ORC4: variants seen among roughly 807,000 people sequenced by gnomAD.
ORC4 encodes the protein origin recognition complex, subunit 4 homolog.
A neutral mutation model predicts 63.9 loss-of-function variants in ORC4; 55 were observed. That is an observed-to-expected ratio of 0.86 (90% CI 0.69 to 1.08). The LOEUF is 1.08. Ranked by LOEUF, ORC4 falls within the 50% of genes least tolerant of loss-of-function variation. The pLI is 0.00. For missense variants in ORC4, 511 were observed against 504.4 expected (o/e 1.01, Z -0.13); for synonymous variants, 150 against 168.5 (o/e 0.89, Z 0.85).
At chr2:148,008,546 C>G (rs928123160) in intron 1 of ORC4, among the ~76,000 whole-genome samples, 1 of 152,098 alleles carries the variant, frequency 6.6e-6, no homozygotes, top group Non-Finnish European at 1.5e-5. Flanking sequence ...CAACCTTTTT[C>G]GATTACCTAC....
intron 1 of ORC4, among the ~76,000 whole-genome samples, chr2:147,981,149 T>C (rs975067228): frequency 6.6e-6 from 1 of 152,352 alleles, no homozygotes; most frequent in Non-Finnish European, 1.5e-5. Context: ...ATCTAATTTA[T>C]ACAGTAGTCT....
intron 1 of ORC4, among the ~76,000 whole-genome samples, chr2:147,981,038 T>A (rs888660434): frequency 6.6e-6 from 1 of 152,074 alleles, no homozygotes; most frequent in African/African-American, 2.4e-5. Flanking sequence ...AACTCAGCCT[T>A]AAACAAAAAA....
chr2:148,009,614 A>G (rs1266795546), intron 1 of ORC4, among the ~76,000 whole-genome samples: 2 of 152,200 alleles, frequency 1.3e-5, no homozygotes, highest in Non-Finnish European at 2.9e-5. Context: ...ACAGAACCCA[A>G]TACAGTAATG....
chr2:147,944,151 A>G (rs1451967232), intron 9 of ORC4, among the ~76,000 whole-genome samples: 2 of 152,166 alleles, frequency 1.3e-5, no homozygotes, highest in Non-Finnish European at 2.9e-5. Flanking sequence ...AGACGTTTAT[A>G]GGAGTACATC....
chr2:147,962,667 A>C (rs1232699427), intron 4 of ORC4, among the ~76,000 whole-genome samples: 1 of 152,122 alleles, frequency 6.6e-6, no homozygotes, highest in Admixed American at 6.5e-5. Context: ...GAGGTGACCA[A>C]ACCAGGGTGG....
intron 4 of ORC4, among the ~76,000 whole-genome samples, chr2:147,959,177 T>C (rs1332817867): frequency 3.3e-5 from 5 of 151,996 alleles, no homozygotes; most frequent in Non-Finnish European, 7.4e-5. Context: ...GACATGGCCC[T>C]TATAAACTTC....
intron 4 of ORC4, among the ~76,000 whole-genome samples, chr2:147,969,944 C>G (rs943001103): frequency 6.6e-6 from 1 of 151,856 alleles, no homozygotes; most frequent in South Asian, 2.1e-4. Context: ...GATAACATAA[C>G]TGTCTAAGTA....
chr2:147,970,722 A>C (rs1325028666), intron 4 of ORC4, among the ~76,000 whole-genome samples: 1 of 152,166 alleles, frequency 6.6e-6, no homozygotes, highest in Non-Finnish European at 1.5e-5. Context: ...AAAACTATAA[A>C]GCTTGTAGAA....
intron 1 of ORC4, among the ~76,000 whole-genome samples, chr2:148,006,908 G>A (rs1692672542): frequency 6.6e-6 from 1 of 152,202 alleles, no homozygotes; most frequent in African/African-American, 2.4e-5. Flanking sequence ...CACTGGGCAG[G>A]CCAGTACAGA....
intron 9 of ORC4, among the ~76,000 whole-genome samples, chr2:147,943,777 G>A (rs990421377): frequency 6.6e-6 from 1 of 151,970 alleles, no homozygotes; most frequent in South Asian, 2.1e-4. Flanking sequence ...CCCCAAATTC[G>A]TACTTGAATA....
At position 147,973,476 on chromosome 2, in the gene ORC4, T is replaced by C; in HGVS notation, c.106A>G (p.Asn36Asp). ...TATTGTACTTGCACTCCAAATAGGT[T>C]ACTATGTGGACTCTGACGACAAAAT... ...ERFCRQSPHS[N>D]LFGVQVQYKH... Residue 36 changes from asparagine to aspartate, a missense_variant, in exon 3 of 14, where the codon AAC (asparagine) becomes GAC (aspartate). Physicochemically the swap from Asn to Asp is conservative, Grantham distance 23. Coordinates refer to ENST00000392857, the MANE Select transcript of ORC4 (RefSeq NM_181741.4). The C allele has an allele frequency of 6.2e-7, 1 of 1,606,182 alleles. No homozygotes were observed.
At position 147,931,792 on chromosome 2, in the gene ORC4, T is replaced by C. The variant is rs1419330828; in HGVS notation, c.*3718A>G. On this transcript the variant is annotated 3_prime_UTR_variant, in exon 14 of 14. Transcript: ENST00000392857. ...TAAAAACTCTCAATAAATTAGGGAT[T>C]GATGGGGTGTATTTCAAAATAATAA... is the stretch of plus-strand genomic sequence containing the variant. 1 of 152,006 alleles carries C rather than the reference T, an allele frequency of 6.6e-6. No homozygotes were observed. The highest frequency in any genetic ancestry group is 2.4e-5 in the African/African-American group (1 of 41,374). The allele number at this position is 152,006 out of a possible 1,614,324, so 9.4% of individuals were successfully genotyped here. A position where few individuals can be genotyped will look rare whatever the true frequency, so the allele number is the denominator to read the frequency against.
intron 4 of ORC4, among the ~76,000 whole-genome samples, chr2:147,967,289 ACT>A (rs1689948706): frequency 6.6e-6 from 1 of 151,930 alleles, no homozygotes. Flanking sequence ...AAGGATGTTC[ACT>A]CTCCCCATTC....
At chr2:147,972,376 G>C (rs1558852471) in intron 4 of ORC4, among the ~76,000 whole-genome samples, 1 of 151,928 alleles carries the variant, frequency 6.6e-6, no homozygotes, top group African/African-American at 2.4e-5. Flanking sequence ...ATAAATGAGA[G>C]AACACAATAA....
At chr2:148,021,112 A>T (rs1407558782), upstream of ORC4, 3 of 140,908 alleles carry the variant, frequency 2.1e-5, no homozygotes, top group Non-Finnish European at 4.6e-5. Context: ...CCCCAGCAGC[A>T]GCAGCAGCTG....
At position 147,958,828 on chromosome 2, in the gene ORC4, T is replaced by A; in HGVS notation, c.264A>T (p.Glu88Asp). ...CTTGTAATACATTTTCACTCACTTC[T>A]TCTATTTCCATGAGTTCTTTCAAAG... The part of the protein sequence containing the change: ...NHALKELMEI[E>D]EVSENVLQVH... The change falls in exon 5 of 14, where the codon GAA becomes GAT. Residue 88 changes from glutamate (E) to aspartate (D), a missense_variant. By Grantham distance (45) the Glu-to-Asp change is conservative. Coordinates refer to ENST00000392857, the MANE Select transcript of ORC4 (RefSeq NM_181741.4). The A allele has an allele frequency of 6.9e-7, 1 of 1,456,634 alleles. No individual in the cohort carries two copies. Among genetic ancestry groups the A allele is most frequent in the Non-Finnish European group, 9.6e-7 (1 of 1,038,226 alleles). The allele number at this position is 1,456,634 out of a possible 1,614,324, so 90.2% of individuals were successfully genotyped here. A position where few individuals can be genotyped will look rare whatever the true frequency, so the allele number is the denominator to read the frequency against.
In ORC4 at chr2:147,933,107, TTCC is replaced by T. The variant is rs890143288; in HGVS notation, c.*2400_*2402del. On this transcript the variant is annotated 3_prime_UTR_variant, in exon 14 of 14. Transcript: ENST00000392857. ...TCAGATGTAAAAACACACTGAAATATTCCTCCTTTCACCTGCTTTTCAGTTTGA... is the reference window on the plus strand; with the variant it reads ...TCAGATGTAAAAACACACTGAAATATTCCTTTCACCTGCTTTTCAGTTTGA... 1.9e-4 allele frequency: 29 copies of T among 152,058 alleles called. No individual in the cohort carries two copies. The highest frequency in any genetic ancestry group is 3.8e-4 in the Non-Finnish European group (26 of 68,004). 9.4% of individuals were successfully genotyped at this position (152,058 alleles called of 1,614,324 possible).
At chr2:147,948,423 T>C (rs1378687125) in intron 8 of ORC4, among the ~76,000 whole-genome samples, 199 bp from the exon 9 acceptor site, 1 of 152,088 alleles carries the variant, frequency 6.6e-6, no homozygotes, top group African/African-American at 2.4e-5. Flanking sequence ...GGTGATGTCA[T>C]GCCTTTTTCC....
intron 1 of ORC4, among the ~76,000 whole-genome samples, chr2:148,012,000 A>G (rs1692998756): frequency 6.6e-6 from 1 of 152,216 alleles, no homozygotes; most frequent in African/African-American, 2.4e-5. Flanking sequence ...AAAAAATTGT[A>G]TTGTTAAAAT....
Sources: allele counts gnomAD v4.1 joint callset (sites outside exome capture counted in the v4.1 genomes callset), GRCh38; gene constraint gnomAD v4.1.1; transcripts MANE v1.5; gene names NCBI Gene and HGNC (gene_info 2026-07-23, HGNC 2026-07-21).